Variants in RRAS2 observed in about 807,000 individuals in gnomAD.
RRAS2 encodes the protein ras-related protein R-Ras2.
Under a neutral mutation model 27.6 loss-of-function variants are expected in RRAS2, and 7 were observed. That is an observed-to-expected ratio of 0.25 (90% CI 0.14 to 0.48). RRAS2 has a LOEUF of 0.48. RRAS2 is among the 20% of genes least tolerant of loss of function. RRAS2 has a pLI of 0.99. For synonymous variants in RRAS2, 86 were observed against 90.9 expected, an observed-to-expected ratio of 0.95 and a Z score of 0.31; for missense variants, 178 against 256.2, an observed-to-expected ratio of 0.69 and a Z score of 2.08.
At chr11:14,285,498 G>A (rs1160375070) in intron 4 of RRAS2, among the ~76,000 whole-genome samples, 8 of 152,276 alleles carry the variant, frequency 5.3e-5, no homozygotes, top group African/African-American at 1.9e-4. Context: ...TATGGTAAGA[G>A]TAATTTATAT....
At chr11:14,300,789 G>T (rs1356063765) in intron 1 of RRAS2, among the ~76,000 whole-genome samples, 1 of 152,130 alleles carries the variant, frequency 6.6e-6, no homozygotes, top group Non-Finnish European at 1.5e-5. Flanking sequence ...AAAGAAGAAG[G>T]AAGGAGAGAA....
At chr11:14,290,226 GATCACA>G (rs1849774349) in intron 4 of RRAS2, among the ~76,000 whole-genome samples, 1 of 152,280 alleles carries the variant, frequency 6.6e-6, no homozygotes, top group African/African-American at 2.4e-5. Flanking sequence ...CAAGGCGGCA[GATCACA>G]AGATCAGGAG....
chr11:14,281,336 C>T (rs1849530092), intron 5 of RRAS2, among the ~76,000 whole-genome samples: 1 of 152,180 alleles, frequency 6.6e-6, no homozygotes, highest in Non-Finnish European at 1.5e-5. Flanking sequence ...GACTACCATG[C>T]AAAAGTTAGC....
intron 1 of RRAS2, among the ~76,000 whole-genome samples, chr11:14,356,486 C>A (rs1849076183): frequency 6.6e-6 from 1 of 152,164 alleles, no homozygotes; most frequent in African/African-American, 2.4e-5. Context: ...ACAATGCTAC[C>A]ATCTTTGTCA....
intron 1 of RRAS2, among the ~76,000 whole-genome samples, chr11:14,354,678 T>TC (rs1260943814): frequency 1.4e-5 from 2 of 145,954 alleles, no homozygotes; most frequent in African/African-American, 5.1e-5. Flanking sequence ...ATTTCTTTTT[T>TC]TTTTTTTTTT....
At chr11:14,316,373 ATAGCATTTAACTATGTATAT>A (rs1484668438) in intron 1 of RRAS2, among the ~76,000 whole-genome samples, 3 of 152,248 alleles carry the variant, frequency 2.0e-5, no homozygotes, top group Non-Finnish European at 2.9e-5. Context: ...AAAAGTAGGA[ATAGCATTTAACTATGTATAT>A]TAGCATTTTC....
At chr11:14,314,296 G>A (rs1358124350) in intron 1 of RRAS2, among the ~76,000 whole-genome samples, 1 of 152,150 alleles carries the variant, frequency 6.6e-6, no homozygotes, top group African/African-American at 2.4e-5. Context: ...ACATACAAAT[G>A]GGAACTACAA....
At chr11:14,288,984 T>G (rs185593921) in intron 4 of RRAS2, among the ~76,000 whole-genome samples, 53 of 152,324 alleles carry the variant, frequency 3.5e-4, no homozygotes, top group African/African-American at 1.2e-3. Context: ...TTCTATATGC[T>G]AACGATAAAG....
chr11:14,317,353 G>A (rs369075111), intron 1 of RRAS2, among the ~76,000 whole-genome samples: 56 of 152,360 alleles, frequency 3.7e-4, no homozygotes, highest in African/African-American at 1.3e-3. Flanking sequence ...GCTGAGGCAG[G>A]TGGATCACCT....
Position 14,336,733 on chromosome 11 carries a change from T to C in RRAS2, c.108+22030A>G, listed in dbSNP as rs553414355. On this transcript the variant is annotated intron_variant, in intron 1 of 5. Coordinates refer to ENST00000256196, the MANE Select transcript of RRAS2 (RefSeq NM_012250.6). ...AAGAAAGCAATGAACAGAGCCTCAA[T>C]AGCCTTTGGGAATGTTACAAAAGAT... 3.9e-5 allele frequency among the ~76,000 whole-genome samples: 6 copies of C among 152,228 alleles called. No individual in the cohort carries two copies. In the East Asian group the frequency reaches 1.2e-3, roughly 29 times the overall value.
intron 1 of RRAS2, among the ~76,000 whole-genome samples, chr11:14,313,337 ACT>A (rs1349713783): frequency 6.6e-6 from 1 of 152,202 alleles, no homozygotes; most frequent in Admixed American, 6.5e-5. Flanking sequence ...TAAACATGTA[ACT>A]CTGAATCACA....
rs573725415 is a variant in RRAS2, at chr11:14,330,341, A to G, written c.108+28422T>C. Among the ~76,000 whole-genome samples, 8 of 152,214 alleles carry G rather than the reference A, an allele frequency of 5.3e-5. No individual in the cohort carries two copies. In the East Asian group the frequency reaches 1.5e-3, roughly 29 times the overall value. On this transcript the variant is annotated intron_variant, in intron 1 of 5. Coordinates refer to ENST00000256196, the MANE Select transcript of RRAS2 (RefSeq NM_012250.6). ...TAATCCCAGCACTTTGGGAGGCCCA[A>G]TCTATATAAAAAATTTAAAAATTAG...
intron 1 of RRAS2, among the ~76,000 whole-genome samples, chr11:14,347,649 G>A (rs924262150): frequency 4.6e-5 from 7 of 151,970 alleles, no homozygotes; most frequent in Non-Finnish European, 1.0e-4. Context: ...GCGAGACCTC[G>A]TCGCTACAAA....
At chr11:14,328,119 G>A (rs549407869) in intron 1 of RRAS2, among the ~76,000 whole-genome samples, 58 of 152,224 alleles carry the variant, frequency 3.8e-4, no homozygotes, top group Non-Finnish European at 7.1e-4. Context: ...TATAATTCTC[G>A]CACTTTTGGA....
At chr11:14,322,220 CAG>C (rs1848241433) in intron 1 of RRAS2, among the ~76,000 whole-genome samples, 1 of 150,700 alleles carries the variant, frequency 6.6e-6, no homozygotes. Context: ...CACTTGGACT[CAG>C]GAATTTGAGA....
At chr11:14,286,182 T>C (rs1354634666) in intron 4 of RRAS2, among the ~76,000 whole-genome samples, 1 of 152,224 alleles carries the variant, frequency 6.6e-6, no homozygotes, top group Non-Finnish European at 1.5e-5. Flanking sequence ...CTATTATCTT[T>C]GTCATTTCTG....
In RRAS2 at chr11:14,278,570, AC is replaced by A. The variant is rs1849436115; in HGVS notation, c.*766del. The stretch of plus-strand genomic sequence containing the variant: ...ACAGTTTTAGTTTTTTGAATCCCTT[AC>A]CCAGAAATACTTGAAAAGGAAGACA... On this transcript the variant is annotated 3_prime_UTR_variant, in exon 6 of 6. Coordinates refer to ENST00000256196, the MANE Select transcript of RRAS2 (RefSeq NM_012250.6). The A allele has an allele frequency of 6.6e-6, 1 of 152,202 alleles. No individual in the cohort carries two copies. 9.4% of individuals were successfully genotyped at this position (152,202 alleles called of 1,614,324 possible). A position where few individuals can be genotyped will look rare whatever the true frequency, so the allele number is the denominator to read the frequency against.
rs946241638 is a variant in RRAS2, at chr11:14,358,031, C to A, written c.108+732G>T. Among the ~76,000 whole-genome samples, 3 of 152,080 alleles carry A rather than the reference C, an allele frequency of 2.0e-5. No individual in the cohort carries two copies. Among genetic ancestry groups the A allele is most frequent in the Admixed American group, 6.6e-5 (1 of 15,264 alleles). On this transcript the variant is annotated intron_variant, in intron 1 of 5. Transcript: ENST00000256196. This position sits in a 1 kb window ranked among gnomAD's most constrained non-coding sequence, Gnocchi z 5.1. ...TGGTTAGAAAACAGAACGCACGACT[C>A]GGTCATATCCTAGCCCGGCCCATCC...
chr11:14,355,459 C>T (rs1849052482), intron 1 of RRAS2, among the ~76,000 whole-genome samples: 1 of 152,300 alleles, frequency 6.6e-6, no homozygotes, highest in African/African-American at 2.4e-5. Flanking sequence ...AGGTAATGTA[C>T]ACACACATAT....
Sources: allele counts gnomAD v4.1 joint callset (sites outside exome capture counted in the v4.1 genomes callset), GRCh38; gene constraint gnomAD v4.1.1; non-coding constraint Gnocchi (gnomAD v3.1); transcripts MANE v1.5; gene names NCBI Gene and HGNC (gene_info 2026-07-23, HGNC 2026-07-21).